EFCAB10: variants seen among roughly 807,000 people sequenced by gnomAD.
EFCAB10 encodes EF-hand calcium binding domain 10, also known as EF-hand calcium-binding domain-containing protein 10.
In EFCAB10, 7 loss-of-function variants were observed where a neutral mutation model predicts 7.7. The observed-to-expected ratio is 0.91, with a 90% confidence interval of 0.52 to 1.72. The LOEUF is 1.72. Ranked by LOEUF, EFCAB10 falls within the 40% of genes most tolerant of loss-of-function variation. The pLI, the probability that EFCAB10 is intolerant of heterozygous loss-of-function variation, is 0.00. For synonymous variants in EFCAB10, 52 were observed against 21.0 expected, an observed-to-expected ratio of 2.47 and a Z score of -4.03; for missense variants, 112 against 61.5, an observed-to-expected ratio of 1.82 and a Z score of -2.74.
At chr7:105,577,527 G>T (rs1453396536) in intron 1 of EFCAB10, among the ~76,000 whole-genome samples, 1 of 152,040 alleles carries the variant, frequency 6.6e-6, no homozygotes, top group Non-Finnish European at 1.5e-5. Flanking sequence ...GTGCTGCTTT[G>T]AGTGTGATTC....
intron 1 of EFCAB10, chr7:105,571,529 A>C (rs1370086162): frequency 6.6e-6 from 1 of 152,260 alleles, no homozygotes; most frequent in African/African-American, 2.4e-5. Flanking sequence ...TTGACCGGTC[A>C]AGAGCAAAGG....
intron 1 of EFCAB10, chr7:105,572,930 C>A (rs1164372370): frequency 6.6e-6 from 1 of 151,832 alleles, no homozygotes; most frequent in Non-Finnish European, 1.5e-5. Flanking sequence ...AGCATTTTTT[C>A]ATATACCTGT....
intron 3 of EFCAB10, among the ~76,000 whole-genome samples, chr7:105,568,932 A>G (rs1046823528): frequency 6.7e-6 from 1 of 149,492 alleles, no homozygotes; most frequent in Non-Finnish European, 1.5e-5. Flanking sequence ...CCTGGGCAAC[A>G]GAGCAAGACT....
At chr7:105,572,869 G>A (rs1021835250) in intron 1 of EFCAB10, 1 of 152,048 alleles carries the variant, frequency 6.6e-6, no homozygotes, top group African/African-American at 2.4e-5. Flanking sequence ...ACAGGTGTGA[G>A]GTGATATCTC....
In EFCAB10 at chr7:105,570,268, T is replaced by TATAC. The variant is rs1188257284; in HGVS notation, c.107-698_107-697insGTAT. ...ATATATATATATATATATATATATA[T>TATAC]ACACACACACACACATACATATACA... On this transcript the variant is annotated intron_variant, in intron 1 of 4. Transcript: ENST00000480514. Among the ~76,000 whole-genome samples, 272 of 66,314 alleles carry TATAC rather than the reference T, an allele frequency of 4.1e-3. 3 individuals carry two copies. The highest frequency in any genetic ancestry group is 0.012 in the African/African-American group (184 of 15,798). The allele number at this position is 66,314 out of a possible 152,430, so 43.5% of individuals were successfully genotyped here.
chr7:105,572,631 T>G (rs1791978520), intron 1 of EFCAB10: 1 of 152,254 alleles, frequency 6.6e-6, no homozygotes, highest in Admixed American at 6.5e-5. Context: ...TAATTCACAA[T>G]CCCACCGGTA....
At chr7:105,565,780 A>G in intron 4 of EFCAB10, 1 of 628,288 alleles carries the variant, frequency 1.6e-6, no homozygotes, top group East Asian at 2.7e-5. Flanking sequence ...TTGTCTATCT[A>G]CTGTATGCTT....
chr7:105,568,520 A>G (rs1320603213), intron 3 of EFCAB10, among the ~76,000 whole-genome samples: 5 of 152,216 alleles, frequency 3.3e-5, no homozygotes. Flanking sequence ...TTTGAGATAG[A>G]TTCTATTAGT....
chr7:105,570,204 ACT>A (rs1477938257), intron 1 of EFCAB10, among the ~76,000 whole-genome samples: 6 of 64,998 alleles, frequency 9.2e-5, no homozygotes, highest in Admixed American at 5.9e-4. Flanking sequence ...ACAGAGCAAG[ACT>A]CTCTCAAAAA....
chr7:105,569,000 T>C (rs1791866303), intron 3 of EFCAB10, among the ~76,000 whole-genome samples: 1 of 150,242 alleles, frequency 6.7e-6, no homozygotes, highest in African/African-American at 2.4e-5. Flanking sequence ...GAACTTCCTC[T>C]CTAACCCCAG....
chr7:105,575,667 C>A (rs771233978), intron 1 of EFCAB10, among the ~76,000 whole-genome samples: 52 of 152,052 alleles, frequency 3.4e-4, no homozygotes, highest in Non-Finnish European at 7.1e-4. Flanking sequence ...AGTAATTGCC[C>A]AATTAAACTG....
chr7:105,570,240 AATATATATATATAT>A (rs1190599721), intron 1 of EFCAB10, among the ~76,000 whole-genome samples: 10 of 24,910 alleles, frequency 4.0e-4, no homozygotes, highest in African/African-American at 8.7e-4. Flanking sequence ...AAAAAAAAAA[AATATATATATATAT>A]ATATATATAT....
At chr7:105,574,710 C>G (rs1165958852) in intron 1 of EFCAB10, among the ~76,000 whole-genome samples, 2 of 151,904 alleles carry the variant, frequency 1.3e-5, no homozygotes, top group African/African-American at 4.8e-5. Context: ...GTCTCGATCT[C>G]CTGACCTTGT....
chr7:105,575,438 A>G (rs1562868658), intron 1 of EFCAB10, among the ~76,000 whole-genome samples: 1 of 152,080 alleles, frequency 6.6e-6, no homozygotes, highest in African/African-American at 2.4e-5. Flanking sequence ...CCTCCCAAGT[A>G]GCTGGGATTA....
At chr7:105,569,364 G>T (rs1406364436) in intron 2 of EFCAB10, 43 bp downstream of exon 2, 2 of 695,036 alleles carry the variant, frequency 2.9e-6, no homozygotes, top group African/African-American at 3.5e-5. Context: ...AAAAACTGTG[G>T]AATGACCACA....
At chr7:105,565,503 T>C in intron 4 of EFCAB10, 56 bp from the exon 5 acceptor site, 1 of 1,610,754 alleles carries the variant, frequency 6.2e-7, no homozygotes. Context: ...TAAAGACAAC[T>C]GTTATATGAA....
At chr7:105,578,410 C>A (rs981679194) in intron 1 of EFCAB10, among the ~76,000 whole-genome samples, 4 of 152,018 alleles carry the variant, frequency 2.6e-5, no homozygotes, top group Non-Finnish European at 5.9e-5. Flanking sequence ...GAAAATCAAG[C>A]CAAGATGTCC....
chr7:105,569,962 C>G (rs1397375746), intron 1 of EFCAB10, among the ~76,000 whole-genome samples: 1 of 151,540 alleles, frequency 6.6e-6, no homozygotes, highest in East Asian at 1.9e-4. Flanking sequence ...GTGGTTCATG[C>G]CTGTAATCTC....
In EFCAB10 at chr7:105,565,388, T is replaced by C. The variant is rs753248481; in HGVS notation, c.*59A>G. The C allele has an allele frequency of 6.2e-7, 1 of 1,614,208 alleles. No individual in the cohort carries two copies. The highest frequency in any genetic ancestry group is 2.2e-5 in the East Asian group (1 of 44,886). On this transcript the variant is annotated 3_prime_UTR_variant, in exon 5 of 5. Coordinates refer to ENST00000480514, the MANE Select transcript of EFCAB10 (RefSeq NM_001355526.2). ...ATTTACTTCAGTTGGAGCAGCAGCT[T>C]TGTTTCTCCTTATTTAAAATTTTCT...
Sources: gnomAD v4.1 joint callset for allele counts (sites outside exome capture counted in the v4.1 genomes callset) on GRCh38, gnomAD v4.1.1 for gene constraint, MANE v1.5 for transcripts, NCBI Gene and HGNC (gene_info 2026-07-23, HGNC 2026-07-21) for gene names.